The following CTCF variants were observed in gnomAD, a reference collection of about 807,000 sequenced individuals.
The protein encoded by CTCF is CCCTC-binding factor.
A neutral mutation model predicts 72.3 loss-of-function variants in CTCF; 7 were observed. That is an observed-to-expected ratio of 0.10 (90% CI 0.06 to 0.18). The LOEUF (loss-of-function observed/expected upper bound fraction) is 0.18. CTCF is among the 10% of genes least tolerant of loss of function. CTCF has a pLI of 1.00. For synonymous variants in CTCF, 374 were observed against 315.8 expected, an observed-to-expected ratio of 1.18 and a Z score of -1.95; for missense variants, 516 against 949.1, an observed-to-expected ratio of 0.54 and a Z score of 6.00.
chr16:67,619,710 C>T (rs1597720115), intron 5 of CTCF, among the ~76,000 whole-genome samples: 2 of 152,076 alleles, frequency 1.3e-5, no homozygotes, highest in African/African-American at 2.4e-5. Flanking sequence ...CTGCTCCTCA[C>T]GTAGCTGAGA....
chr16:67,567,167 C>T (rs750181146), intron 1 of CTCF, among the ~76,000 whole-genome samples: 3 of 152,154 alleles, frequency 2.0e-5, no homozygotes, highest in Admixed American at 6.6e-5. Context: ...TGTAAACTTT[C>T]TGTAGTCTGT....
intron 2 of CTCF, among the ~76,000 whole-genome samples, chr16:67,610,040 A>T (rs2052038835): frequency 1.3e-5 from 2 of 152,140 alleles, no homozygotes; most frequent in African/African-American, 4.8e-5. Flanking sequence ...AGTAGTGACA[A>T]CCAAAAATGT....
chr16:67,581,328 CTTT>C (rs35180089), intron 2 of CTCF, among the ~76,000 whole-genome samples: 1 of 139,888 alleles, frequency 7.1e-6, no homozygotes, highest in Non-Finnish European at 1.6e-5. Flanking sequence ...TGATCTTTTT[CTTT>C]TTTTTTTTTT....
intron 10 of CTCF, among the ~76,000 whole-genome samples, chr16:67,630,047 A>G (rs2052344288): frequency 6.6e-6 from 1 of 151,802 alleles, no homozygotes; most frequent in South Asian, 2.1e-4. Flanking sequence ...AAGTGCTGGG[A>G]TTACAGGTGT....
At chr16:67,629,998 G>C (rs747590397) in intron 10 of CTCF, among the ~76,000 whole-genome samples, 3 of 151,196 alleles carry the variant, frequency 2.0e-5, no homozygotes, top group Non-Finnish European at 4.4e-5. Context: ...GAATGGTCTC[G>C]ATCTCCTCAC....
At chr16:67,589,836 C>T (rs984376800) in intron 2 of CTCF, among the ~76,000 whole-genome samples, 4 of 152,100 alleles carry the variant, frequency 2.6e-5, no homozygotes, top group Non-Finnish European at 4.4e-5. Context: ...CCTGTAATAC[C>T]GGCATTTGGG....
At chr16:67,583,147 G>A (rs1391328685) in intron 2 of CTCF, among the ~76,000 whole-genome samples, 2 of 151,428 alleles carry the variant, frequency 1.3e-5, no homozygotes, top group East Asian at 4.0e-4. Flanking sequence ...ACCACGCCTG[G>A]CTAATTTTTT....
At chr16:67,584,765 A>G (rs1406918481) in intron 2 of CTCF, among the ~76,000 whole-genome samples, 1 of 152,118 alleles carries the variant, frequency 6.6e-6, no homozygotes, top group Non-Finnish European at 1.5e-5. Flanking sequence ...CAATCCCTTC[A>G]TTTTACAGAT....
chr16:67,586,664 G>A (rs1246175814), intron 2 of CTCF, among the ~76,000 whole-genome samples: 3 of 151,776 alleles, frequency 2.0e-5, no homozygotes, highest in Non-Finnish European at 4.4e-5. Context: ...AAAAAACAAA[G>A]TAACATTTTG....
At chr16:67,580,772 A>ATTTTTTTTTTTTTTTTTT (rs781616750) in intron 2 of CTCF, among the ~76,000 whole-genome samples, 55 of 120,152 alleles carry the variant, frequency 4.6e-4, no homozygotes, top group African/African-American at 1.8e-3. Flanking sequence ...GCCTGGCCAA[A>ATTTTTTTTTTTTTTTTTT]TTTTTTTTTT....
chr16:67,624,127 ATATATATGTGTGTGTGTG>A (rs1463325317), intron 7 of CTCF, among the ~76,000 whole-genome samples: 88 of 124,180 alleles, frequency 7.1e-4, no homozygotes, highest in South Asian at 2.5e-3. Context: ...ATGTGTGTGT[ATATATATGTGTGTGTGTG>A]TATATATGTG....
intron 2 of CTCF, among the ~76,000 whole-genome samples, chr16:67,596,017 A>G (rs2142776442): frequency 6.6e-6 from 1 of 151,084 alleles, no homozygotes. Flanking sequence ...GCAGTGGCAT[A>G]CTTTCGGCTC....
At chr16:67,621,225 C>G in intron 6 of CTCF, 1 of 463,096 alleles carries the variant, frequency 2.2e-6, no homozygotes, top group East Asian at 3.0e-5. Flanking sequence ...TGGAGGATTC[C>G]AGAGTAGAGC....
chr16:67,590,113 CTTT>C (rs201207895), intron 2 of CTCF, among the ~76,000 whole-genome samples: 1 of 141,508 alleles, frequency 7.1e-6, no homozygotes. Flanking sequence ...ACAGTTAGAA[CTTT>C]TTTTTTTTTT....
chr16:67,589,370 A>G (rs1303718866), intron 2 of CTCF, among the ~76,000 whole-genome samples: 1 of 152,174 alleles, frequency 6.6e-6, no homozygotes, highest in Non-Finnish European at 1.5e-5. Flanking sequence ...CAGTTACATT[A>G]AATTTCTTCT....
At chr16:67,585,676 C>CT (rs1357705367) in intron 2 of CTCF, among the ~76,000 whole-genome samples, 6 of 152,060 alleles carry the variant, frequency 3.9e-5, no homozygotes. Context: ...TAAATAAACT[C>CT]TAATATAACA....
intron 2 of CTCF, among the ~76,000 whole-genome samples, chr16:67,587,095 T>TA (rs941187909): frequency 1.1e-4 from 17 of 148,082 alleles, no homozygotes; most frequent in African/African-American, 4.0e-4. Flanking sequence ...GGTAACTTCT[T>TA]AAACATTTTT....
rs1383354040 is a variant in CTCF at position 67,611,431 on chromosome 16, C to T, written c.599C>T (p.Pro200Leu). 6.2e-7 allele frequency: 1 copy of T among 1,614,028 alleles called. No homozygotes were observed. Among genetic ancestry groups the T allele is most frequent in the Non-Finnish European group, 8.5e-7 (1 of 1,180,006 alleles). ...CAAAAAGACCCAGACTATCAGCCAC[C>T]AGCCAAAAAAACAAAGAAAACCAAA... ...SWQKDPDYQP[P>L]AKKTKKTKKS... is the part of the protein sequence containing the mutation. The change falls in exon 3 of 12, where the codon CCA becomes CTA. Residue 200 changes from proline to leucine, a missense_variant. This residue lies in a region of CTCF where 53 missense variants were observed against 63.6 expected (regional missense o/e 0.83). Transcript: ENST00000264010.
At chr16:67,588,537 A>G (rs2051697988) in intron 2 of CTCF, among the ~76,000 whole-genome samples, 1 of 152,088 alleles carries the variant, frequency 6.6e-6, no homozygotes, top group Admixed American at 6.6e-5. Flanking sequence ...GGCTATGGAG[A>G]GCAGAGAGAG....
Sources: allele counts gnomAD v4.1 joint callset (sites outside exome capture counted in the v4.1 genomes callset), GRCh38; gene constraint gnomAD v4.1.1; regional missense constraint gnomAD v4.1.1; transcripts MANE v1.5; gene names NCBI Gene and HGNC (gene_info 2026-07-23, HGNC 2026-07-21).